Variants in CAGE1 observed in about 807,000 individuals in gnomAD.
CAGE1 encodes cancer-associated gene 1 protein.
CAGE1 carries 66 observed loss-of-function variants against 94.9 expected under a neutral mutation model. The ratio of observed to expected loss-of-function variants is 0.70; its 90% CI spans 0.57 to 0.85. The LOEUF (loss-of-function observed/expected upper bound fraction) is 0.85. CAGE1 is among the 40% of genes least tolerant of loss of function. CAGE1 has a pLI of 0.00. For missense variants in CAGE1, 865 were observed against 950.4 expected (o/e 0.91, Z 1.18); for synonymous variants, 319 against 321.0 (o/e 0.99, Z 0.07).
chr6:7,333,240 C>T (rs1210493612), intron 12 of CAGE1, among the ~76,000 whole-genome samples: 1 of 152,116 alleles, frequency 6.6e-6, no homozygotes, highest in African/African-American at 2.4e-5. Flanking sequence ...CATGAGCCAC[C>T]GTGCCCTGCC....
rs142658029 is a variant in CAGE1, at chr6:7,331,689, G to A, written c.2439-1801C>T. The A allele has an allele frequency of 1.7e-3, 307 of 182,766 alleles. 2 individuals carry two copies. Among genetic ancestry groups the A allele is most frequent in the African/African-American group, 6.7e-3 (286 of 42,404 alleles). 11.3% of individuals were successfully genotyped at this position (182,766 alleles called of 1,614,324 possible). ...CATAGGCAAACATCTTAAACTCTTC[G>A]AGGTGGTGCAGCTGGAGGACTTGGG... On this transcript the variant is annotated intron_variant, in intron 12 of 13. Coordinates refer to ENST00000502583, the MANE Select transcript of CAGE1 (RefSeq NM_001170692.2).
chr6:7,334,725 C>CAAAAAAAAAAA (rs58790989), intron 11 of CAGE1, among the ~76,000 whole-genome samples: 1,645 of 67,620 alleles, frequency 0.024, 98 homozygotes, highest in African/African-American at 0.062. Context: ...GACTCTCTCT[C>CAAAAAAAAAAA]AAAAAAAAAA....
At chr6:7,355,908 C>G in intron 10 of CAGE1, 117 bp downstream of exon 10, 1 of 611,754 alleles carries the variant, frequency 1.6e-6, no homozygotes, top group African/African-American at 1.9e-5. Flanking sequence ...GAGACTGAGG[C>G]AAGGAGGCTT....
intron 3 of CAGE1, among the ~76,000 whole-genome samples, chr6:7,382,080 C>A (rs764153330): frequency 6.6e-6 from 1 of 150,484 alleles, no homozygotes; most frequent in African/African-American, 2.4e-5. Context: ...TCTCGTGATC[C>A]GCCCATCTTG....
intron 3 of CAGE1, among the ~76,000 whole-genome samples, chr6:7,381,986 C>A (rs1235871921): frequency 6.6e-6 from 1 of 151,824 alleles, no homozygotes; most frequent in Non-Finnish European, 1.5e-5. Context: ...ACTACAGGCG[C>A]CCACCATCAC....
Position 7,373,892 on chromosome 6 carries a change from C to A in CAGE1, c.927G>T (p.Leu309Phe), listed in dbSNP as rs912565873. The change falls in exon 5 of 14, where the codon TTG (leucine) becomes TTT (phenylalanine). Residue 309 changes from leucine (L) to phenylalanine (F), a missense_variant. Leu to Phe is a conservative substitution (Grantham distance 22, BLOSUM62 0). Transcript: ENST00000502583. ...VQEDMALNEV[L>F]QKLKHTNRKQ... The stretch of plus-strand genomic sequence containing the variant: ...TTCTGTTAGTATGTTTTAATTTCTG[C>A]AAGACTTCATTTAAAGCCATGTCCT... 6.2e-7 allele frequency: 1 copy of A among 1,613,832 alleles called. No homozygotes were observed. The highest frequency in any genetic ancestry group is 1.3e-5 in the African/African-American group (1 of 74,902).
At chr6:7,382,388 G>A (rs563773551) in intron 3 of CAGE1, among the ~76,000 whole-genome samples, 62 of 151,542 alleles carry the variant, frequency 4.1e-4, no homozygotes, top group Admixed American at 3.5e-3. Context: ...TGCAACCTTC[G>A]CCTCCCGGAT....
intron 11 of CAGE1, among the ~76,000 whole-genome samples, chr6:7,347,138 G>A (rs2113387921): frequency 1.3e-5 from 2 of 152,270 alleles, no homozygotes; most frequent in South Asian, 4.1e-4. Context: ...GCAGTGTGTG[G>A]AGGCTCGCGT....
chr6:7,346,959 T>C (rs1347764670), intron 11 of CAGE1, among the ~76,000 whole-genome samples: 1 of 152,198 alleles, frequency 6.6e-6, no homozygotes, highest in Non-Finnish European at 1.5e-5. Context: ...TGGTCTCTTC[T>C]TCAACACAAA....
intron 11 of CAGE1, among the ~76,000 whole-genome samples, chr6:7,343,167 C>T (rs533388769): frequency 6.0e-5 from 8 of 133,974 alleles, no homozygotes; most frequent in Admixed American, 3.3e-4. Flanking sequence ...CCAGCCCAGG[C>T]GACAGTGCGA....
At chr6:7,343,380 T>C (rs1157944296) in intron 11 of CAGE1, among the ~76,000 whole-genome samples, 1 of 152,180 alleles carries the variant, frequency 6.6e-6, no homozygotes, top group African/African-American at 2.4e-5. Flanking sequence ...TAAAATCACA[T>C]GGATTTTTAA....
intron 6 of CAGE1, 57 bp downstream of exon 6, chr6:7,369,862 C>A: frequency 1.4e-6 from 2 of 1,477,090 alleles, no homozygotes. Flanking sequence ...CTCTTTTTGT[C>A]CAACCCCAGT....
chr6:7,380,019 C>G (rs1489382261), intron 3 of CAGE1, among the ~76,000 whole-genome samples: 1 of 152,122 alleles, frequency 6.6e-6, no homozygotes, highest in Non-Finnish European at 1.5e-5. Context: ...TGTTAGGCAC[C>G]GTACAGCACC....
intron 11 of CAGE1, chr6:7,341,440 T>C (rs905437072): frequency 2.0e-6 from 2 of 989,650 alleles, no homozygotes; most frequent in African/African-American, 3.2e-5. Context: ...AAATCTCATC[T>C]ATGATCACAT....
chr6:7,345,470 C>G (rs766732789), intron 11 of CAGE1, among the ~76,000 whole-genome samples: 2 of 152,212 alleles, frequency 1.3e-5, no homozygotes, highest in Non-Finnish European at 2.9e-5. Context: ...AGCCCAAGTC[C>G]AGACACAAAA....
In CAGE1 at chr6:7,373,826, C is replaced by T. The variant is rs745790130; in HGVS notation, c.993G>A (p.Leu331=). ...GTTCTTTAACCCTCTTCTCTAAATACAGGTTACTACACTGGAGTTCTTGGA... is the reference window on the plus strand; with the variant it reads ...GTTCTTTAACCCTCTTCTCTAAATATAGGTTACTACACTGGAGTTCTTGGA... The part of the protein sequence containing the change: ...VRIQELQCSN[L]YLEKRVKELQ... The change falls in exon 5 of 14, where the codon CTG becomes CTA. Residue 331 remains leucine, a synonymous_variant. Coordinates refer to ENST00000502583, the MANE Select transcript of CAGE1 (RefSeq NM_001170692.2). 16 of 1,613,796 alleles carry T rather than the reference C, an allele frequency of 9.9e-6. No individual in the cohort carries two copies. The African/African-American group carries it at 2.1e-4, about 22-fold the overall frequency.
At chr6:7,331,998 C>A (rs1305386100) in intron 12 of CAGE1, among the ~76,000 whole-genome samples, 2 of 152,154 alleles carry the variant, frequency 1.3e-5, no homozygotes, top group East Asian at 3.9e-4. Context: ...TCTAAAGTAA[C>A]AGTCTTCACT....
intron 12 of CAGE1, chr6:7,331,385 CT>C: frequency 1.1e-6 from 1 of 937,228 alleles, no homozygotes; most frequent in Non-Finnish European, 1.5e-6. Context: ...ACAGCTGCTA[CT>C]TTAGTGCAGG....
chr6:7,365,580 G>A lies in CAGE1; in HGVS notation c.2086-5C>T, dbSNP rs768324491. ...ATCTGAATCACAGTCTATGACCTGA[G>A]ATTAAATATATTTGTTCTCACTTTC... On this transcript the variant is annotated splice_polypyrimidine_tract_variant and splice_region_variant and intron_variant, in intron 8 of 13. Transcript: ENST00000502583. 3.7e-6 allele frequency: 6 copies of A among 1,605,596 alleles called. No individual in the cohort carries two copies. In the Admixed American group the frequency reaches 6.7e-5, roughly 18 times the overall value.
Sources: gnomAD v4.1 joint callset for allele counts (sites outside exome capture counted in the v4.1 genomes callset) on GRCh38, gnomAD v4.1.1 for gene constraint, MANE v1.5 for transcripts, NCBI Gene and HGNC (gene_info 2026-07-23, HGNC 2026-07-21) for gene names.